Variants in PVR observed in about 807,000 individuals in gnomAD.
PVR encodes the protein PVR cell adhesion molecule.
Under a neutral mutation model 43.3 loss-of-function variants are expected in PVR, and 39 were observed. That is an observed-to-expected ratio of 0.90 (90% CI 0.70 to 1.18). The LOEUF (loss-of-function observed/expected upper bound fraction) is 1.18. Among genes scored for constraint, PVR ranks in the 50% most tolerant of loss-of-function variants. PVR has a pLI of 0.00. For missense variants in PVR, 480 were observed against 549.7 expected, an observed-to-expected ratio of 0.87 and a Z score of 1.27; for synonymous variants, 224 against 233.2, an observed-to-expected ratio of 0.96 and a Z score of 0.36.
At chr19:44,645,373 GTAAA>G (rs1343667171) in intron 1 of PVR, among the ~76,000 whole-genome samples, 4 of 116,824 alleles carry the variant, frequency 3.4e-5, no homozygotes, top group African/African-American at 7.0e-5. Flanking sequence ...CATTTAAAGA[GTAAA>G]TAGATAACAT....
At chr19:44,645,507 A>C (rs1973092731) in intron 1 of PVR, among the ~76,000 whole-genome samples, 1 of 143,540 alleles carries the variant, frequency 7.0e-6, no homozygotes, top group South Asian at 2.2e-4. Flanking sequence ...TTTGTTGCCC[A>C]GGCTGGAGTG....
chr19:44,645,532 C>T lies in PVR; in HGVS notation c.79+1357C>T, dbSNP rs886434766. Reference sequence around the variant, plus strand: ...AGGCTGGAGTGCAGTGGTACAATCCCGGCTCATTGCAAACTCGACTTCCCA... The same window carrying T: ...AGGCTGGAGTGCAGTGGTACAATCCTGGCTCATTGCAAACTCGACTTCCCA... On this transcript the variant is annotated intron_variant, in intron 1 of 7. Transcript: ENST00000425690. 2.6e-4 allele frequency among the ~76,000 whole-genome samples: 38 copies of T among 147,514 alleles called. No individual in the cohort carries two copies. The East Asian group carries it at 5.6e-3, about 22-fold the overall frequency.
chr19:44,645,067 AGTAATAT>A (rs1568496331), intron 1 of PVR, among the ~76,000 whole-genome samples: 1 of 104,796 alleles, frequency 9.5e-6, no homozygotes, highest in South Asian at 2.6e-4. Flanking sequence ...TATATATTAT[AGTAATAT>A]ATAATATATA....
At chr19:44,652,320 T>C (rs1416829196) in intron 3 of PVR, among the ~76,000 whole-genome samples, 1 of 152,044 alleles carries the variant, frequency 6.6e-6, no homozygotes, top group Non-Finnish European at 1.5e-5. Flanking sequence ...AGCCTCAGTC[T>C]CCTGAGTAGC....
At chr19:44,650,169 C>T in intron 3 of PVR, 64 bp downstream of exon 3, 1 of 1,434,414 alleles carries the variant, frequency 7.0e-7, no homozygotes, top group South Asian at 1.4e-5. Flanking sequence ...ACTGTCTACA[C>T]TGACTCCCCA....
chr19:44,661,286 C>T lies in PVR; in HGVS notation c.1151-6C>T. Reference sequence around the variant, plus strand: ...TTCCTGACGACTTCCCCTCCTATTTCCCCAGGTACAGAGCATGCCAGCGCC... The same window carrying T: ...TTCCTGACGACTTCCCCTCCTATTTTCCCAGGTACAGAGCATGCCAGCGCC... On this transcript the variant is annotated splice_polypyrimidine_tract_variant and splice_region_variant and intron_variant, in intron 6 of 7. Transcript: ENST00000425690. The T allele has an allele frequency of 6.2e-7, 1 of 1,613,314 alleles. No homozygotes were observed. The highest frequency in any genetic ancestry group is 8.5e-7 in the Non-Finnish European group (1 of 1,179,270).
At chr19:44,653,146 C>A (rs1599766126) in intron 3 of PVR, among the ~76,000 whole-genome samples, 1 of 152,222 alleles carries the variant, frequency 6.6e-6, no homozygotes, top group Non-Finnish European at 1.5e-5. Context: ...TGGGGGTGAT[C>A]TCACCCCCAC....
At position 44,647,397 on chromosome 19, in the gene PVR, G is replaced by A. The variant is rs1401115431; in HGVS notation, c.254G>A (p.Ser85Asn). 2 of 1,614,086 alleles carry A rather than the reference G, an allele frequency of 1.2e-6. No individual in the cohort carries two copies. Among genetic ancestry groups the A allele is most frequent in the Non-Finnish European group, 1.7e-6 (2 of 1,179,996 alleles). ...MAVFHQTQGP[S>N]YSESKRLEFV... The stretch of plus-strand genomic sequence containing the variant: ...GTCTTCCACCAAACGCAGGGCCCCA[G>A]CTATTCGGAGTCCAAACGGCTGGAA... The change falls in exon 2 of 8, where the codon AGC becomes AAC. Residue 85 changes from serine (S) to asparagine (N), a missense_variant. By Grantham distance (46) the Ser-to-Asn change is conservative. Transcript: ENST00000425690.
At chr19:44,657,985 C>G (rs1189136117) in intron 5 of PVR, 75 bp downstream of exon 5, 10 of 1,480,478 alleles carry the variant, frequency 6.8e-6, no homozygotes, top group Middle Eastern at 1.9e-4. Context: ...CTAATGCTCT[C>G]TGGCTCCCAT....
intron 3 of PVR, among the ~76,000 whole-genome samples, chr19:44,652,134 C>T (rs1973298269): frequency 6.6e-6 from 1 of 152,152 alleles, no homozygotes; most frequent in African/African-American, 2.4e-5. Context: ...CCAGCCTGGG[C>T]AGCAGAGCAA....
chr19:44,643,996 T>G lies in PVR; in HGVS notation c.-101T>G. ...GCGGCCCCCCGGGGATTCCAGGACC[T>G]GAGCTCCGGGAGCTGGACTCGCAGC... On this transcript the variant is annotated 5_prime_UTR_variant, in exon 1 of 8. Transcript: ENST00000425690. 2.3e-5 allele frequency: 22 copies of G among 974,784 alleles called. No individual in the cohort carries two copies. Among genetic ancestry groups the G allele is most frequent in the Non-Finnish European group, 2.8e-5 (19 of 688,434 alleles). 60.4% of individuals were successfully genotyped at this position (974,784 alleles called of 1,614,324 possible). A position where few individuals can be genotyped will look rare whatever the true frequency, so the allele number is the denominator to read the frequency against.
At chr19:44,652,569 A>C (rs1027285571) in intron 3 of PVR, among the ~76,000 whole-genome samples, 1 of 152,104 alleles carries the variant, frequency 6.6e-6, no homozygotes, top group Non-Finnish European at 1.5e-5. Context: ...TTTGTGGTAG[A>C]GACGGGATTT....
chr19:44,644,235 C>G, intron 1 of PVR, 60 bp downstream of exon 1: 1 of 1,331,446 alleles, frequency 7.5e-7, no homozygotes, highest in South Asian at 1.5e-5. Context: ...GCATCCAGGC[C>G]GGGTACTCGC....
Position 44,647,556 on chromosome 19 carries a change from GGCTCCGAGTGCTTGGT to G in PVR, c.415_427+3del. On this transcript the variant is annotated splice_donor_variant and coding_sequence_variant, in exon 2 of 8. Transcript: ENST00000425690. LOFTEE classifies it high-confidence loss of function. The stretch of plus-strand genomic sequence containing the variant: ...CAGGGCAGCAGGAGCGTGGATATCT[GGCTCCGAGTGCTTGGT>G]GAGCAGGGGGTTTTGGGGAGGCTGA... 6.2e-7 allele frequency: 1 copy of G among 1,610,274 alleles called. No homozygotes were observed. Among genetic ancestry groups the G allele is most frequent in the Non-Finnish European group, 8.5e-7 (1 of 1,177,470 alleles).
In PVR at chr19:44,653,906, C is replaced by A; in HGVS notation, c.731C>A (p.Pro244Gln). 2 of 1,612,302 alleles carry A rather than the reference C, an allele frequency of 1.2e-6. No homozygotes were observed. Among genetic ancestry groups the A allele is most frequent in the Non-Finnish European group, 1.7e-6 (2 of 1,178,252 alleles). The part of the protein sequence containing the change: ...LTVNLTVYYP[P>Q]EVSISGYDNN... ...CTGTATCCATTTCCTGCAGACCCCC[C>A]AGAGGTATCCATCTCTGGCTATGAT... Residue 244 changes from proline to glutamine, a missense_variant, in exon 4 of 8, where the codon CCA becomes CAA. Transcript: ENST00000425690.
chr19:44,653,681 G>A (rs1169141497), intron 3 of PVR: 2 of 506,656 alleles, frequency 3.9e-6, no homozygotes, highest in Non-Finnish European at 7.2e-6. Context: ...GTGGAGAAAA[G>A]CAGCTCCTCA....
chr19:44,649,762 A>G, intron 2 of PVR, 47 bp from the exon 3 acceptor site: 1 of 1,589,046 alleles, frequency 6.3e-7, no homozygotes, highest in South Asian at 1.1e-5. Context: ...CCCTTCTGCC[A>G]CGGAGGGGTT....
chr19:44,652,762 G>A (rs1053434139), intron 3 of PVR, among the ~76,000 whole-genome samples: 6 of 152,146 alleles, frequency 3.9e-5, no homozygotes, highest in Admixed American at 3.9e-4. Flanking sequence ...TGATCCTCCT[G>A]CCTCAACCTC....
chr19:44,650,013 C>A lies in PVR; in HGVS notation c.632C>A (p.Ser211Ter), dbSNP rs1439304054. The change falls in exon 3 of 8, where the codon TCA (serine) becomes TAA (stop). Residue 211 changes from serine to a stop codon, truncating the protein, a stop_gained. Coordinates refer to ENST00000425690, the MANE Select transcript of PVR (RefSeq NM_006505.5). LOFTEE classifies it high-confidence loss of function. ...TVTSLWILVP[S>*]SQVDGKNVTC... ...ACCAGCCTCTGGATATTGGTGCCCT[C>A]AAGCCAGGTGGACGGCAAGAATGTG... 7 of 1,603,072 alleles carry A rather than the reference C, an allele frequency of 4.4e-6. No homozygotes were observed. The African/African-American group carries it at 6.7e-5, about 15-fold the overall frequency.
Sources: gnomAD v4.1 joint callset for allele counts (sites outside exome capture counted in the v4.1 genomes callset) on GRCh38, gnomAD v4.1.1 for gene constraint, MANE v1.5 for transcripts, NCBI Gene and HGNC (gene_info 2026-07-23, HGNC 2026-07-21) for gene names.